Variants in CLCN6 observed in about 807,000 individuals in gnomAD.
The protein encoded by CLCN6 is H(+)/Cl(-) exchange transporter 6.
CLCN6 carries 70 observed loss-of-function variants against 109.8 expected under a neutral mutation model. The observed-to-expected ratio is 0.64, with a 90% CI of 0.53 to 0.78. The LOEUF is 0.78. CLCN6 is among the 30% of genes least tolerant of loss of function. CLCN6 has a pLI of 0.00. For synonymous variants in CLCN6, 444 were observed against 447.8 expected (o/e 0.99, Z 0.11); for missense variants, 984 against 1,142.3 (o/e 0.86, Z 2.00).
At chr1:11,822,173 G>A (rs968461032) in intron 5 of CLCN6, among the ~76,000 whole-genome samples, 2 of 151,754 alleles carry the variant, frequency 1.3e-5, no homozygotes, top group African/African-American at 2.4e-5. Flanking sequence ...GTTGAGATTT[G>A]TTAAAGCTAC....
At chr1:11,823,917 G>A in intron 7 of CLCN6, 84 bp downstream of exon 7, 1 of 1,557,566 alleles carries the variant, frequency 6.4e-7, no homozygotes. Context: ...TATTAGATTT[G>A]GACTGCAGGG....
At position 11,834,369 on chromosome 1, in the gene CLCN6, G is replaced by A. The variant is rs1644918914; in HGVS notation, c.1660G>A (p.Gly554Arg). Reference protein sequence around the residue: ...LIESTNEITYGLPIMVTLMVA... With the variant: ...LIESTNEITYRLPIMVTLMVA... The stretch of plus-strand genomic sequence containing the variant: ...CGAGTCCACCAATGAGATCACCTAC[G>A]GGCTCCCCATCATGGTCACACTGAT... Residue 554 changes from glycine (G) to arginine (R), a missense_variant, in exon 16 of 23, where the codon GGG becomes AGG. Physicochemically the swap from Gly to Arg is moderately radical, Grantham distance 125. Coordinates refer to ENST00000346436, the MANE Select transcript of CLCN6 (RefSeq NM_001286.5). This position sits in a 1 kb window ranked among gnomAD's most constrained non-coding sequence, Gnocchi z 4.5. The A allele has an allele frequency of 3.1e-6, 5 of 1,613,872 alleles. No homozygotes were observed. The highest frequency in any genetic ancestry group is 1.1e-5 in the South Asian group (1 of 91,058).
intron 2 of CLCN6, among the ~76,000 whole-genome samples, chr1:11,812,097 G>A (rs1167860699): frequency 6.6e-6 from 1 of 151,894 alleles, no homozygotes; most frequent in African/African-American, 2.4e-5. Context: ...CTGGGTGACA[G>A]AGAAAGACCC....
At chr1:11,836,186 G>A in intron 18 of CLCN6, 33 bp downstream of exon 18, 2 of 1,594,788 alleles carry the variant, frequency 1.3e-6, no homozygotes, top group South Asian at 1.1e-5. Context: ...AAAGGCAGGT[G>A]AGAGACAAGC....
intron 4 of CLCN6, among the ~76,000 whole-genome samples, chr1:11,818,805 G>C (rs1179434649): frequency 6.6e-6 from 1 of 152,172 alleles, no homozygotes; most frequent in Non-Finnish European, 1.5e-5. Context: ...GCACAGTGGG[G>C]TGTGCCTGTA....
At chr1:11,831,462 A>G (rs1226076015) in intron 13 of CLCN6, among the ~76,000 whole-genome samples, 1 of 152,078 alleles carries the variant, frequency 6.6e-6, no homozygotes, top group East Asian at 1.9e-4. Context: ...GCTGGTTTAT[A>G]TATTTTTAAA....
rs1458977485 is a variant in CLCN6, at chr1:11,842,483, C to G, written c.*2260C>G. ...AGCAACTTCTCCACTCATGACAAATCAACTGTGACCCTCGCTCCTTCCATT... is the reference window on the plus strand; with the variant it reads ...AGCAACTTCTCCACTCATGACAAATGAACTGTGACCCTCGCTCCTTCCATT... On this transcript the variant is annotated 3_prime_UTR_variant, in exon 23 of 23. Coordinates refer to ENST00000346436, the MANE Select transcript of CLCN6 (RefSeq NM_001286.5). The G allele has an allele frequency of 6.5e-6, 1 of 152,720 alleles. No individual in the cohort carries two copies. The highest frequency in any genetic ancestry group is 1.5e-5 in the Non-Finnish European group (1 of 68,074). The allele number at this position is 152,720 out of a possible 1,614,324, so 9.5% of individuals were successfully genotyped here.
intron 2 of CLCN6, among the ~76,000 whole-genome samples, chr1:11,810,185 G>A (rs1644580314): frequency 1.3e-5 from 2 of 152,236 alleles, no homozygotes; most frequent in Middle Eastern, 3.4e-3. Context: ...CCTTCTTCCT[G>A]TCTCAGGAAG....
Position 11,806,202 on chromosome 1 carries a change from G to A in CLCN6, c.-61G>A, listed in dbSNP as rs1026547062. 1.0e-5 allele frequency: 14 copies of A among 1,362,174 alleles called. No homozygotes were observed. The highest frequency in any genetic ancestry group is 1.2e-5 in the Non-Finnish European group (13 of 1,045,272). 84.4% of individuals were successfully genotyped at this position (1,362,174 alleles called of 1,614,324 possible). A position where few individuals can be genotyped will look rare whatever the true frequency, so the allele number is the denominator to read the frequency against. On this transcript the variant is annotated 5_prime_UTR_variant, in exon 1 of 23. Coordinates refer to ENST00000346436, the MANE Select transcript of CLCN6 (RefSeq NM_001286.5). The stretch of plus-strand genomic sequence containing the variant: ...ACCGTCCCGGGGCCAGTCACGTGAG[G>A]CGCAGATCCTGGCTGGGAGGGGGTT...
chr1:11,823,768 C>T lies in CLCN6; in HGVS notation c.515C>T (p.Pro172Leu), dbSNP rs141347788. Residue 172 changes from proline to leucine, a missense_variant, in exon 7 of 23, where the codon CCA becomes CTA. Physicochemically the swap from Pro to Leu is moderately conservative, Grantham distance 98. Transcript: ENST00000346436. ...VKCYLNGVKV[P>L]GIVRLRTLLC... ...TGCTATCTGAATGGCGTAAAGGTGC[C>T]AGGAATCGTCCGTCTCCGGACCCTG... 25 of 1,614,252 alleles carry T rather than the reference C, an allele frequency of 1.5e-5. No individual in the cohort carries two copies. In the African/African-American group the frequency reaches 3.2e-4, roughly 21 times the overall value.
chr1:11,807,288 C>T (rs1295294567), intron 2 of CLCN6, 98 bp downstream of exon 2: 3 of 1,098,504 alleles, frequency 2.7e-6, no homozygotes, highest in South Asian at 2.6e-5. Context: ...GCTCTTTGAC[C>T]TTCTGTCCCA....
chr1:11,832,311 C>A (rs1644892203), intron 13 of CLCN6, among the ~76,000 whole-genome samples: 1 of 152,258 alleles, frequency 6.6e-6, no homozygotes, highest in Non-Finnish European at 1.5e-5. Context: ...GATTTTGGAG[C>A]CTGTGCTCAG....
intron 13 of CLCN6, among the ~76,000 whole-genome samples, chr1:11,830,819 C>G (rs1293910772): frequency 7.8e-6 from 1 of 128,302 alleles, no homozygotes; most frequent in Non-Finnish European, 1.6e-5. Flanking sequence ...CACACAAACA[C>G]ACATTATATA....
intron 13 of CLCN6, among the ~76,000 whole-genome samples, chr1:11,830,802 ACAC>A (rs1251935523): frequency 5.8e-5 from 8 of 138,438 alleles, no homozygotes; most frequent in Non-Finnish European, 1.2e-4. Flanking sequence ...ACACACACAC[ACAC>A]ACACACACAA....
intron 12 of CLCN6, 49 bp from the exon 13 acceptor site, chr1:11,829,147 A>G (rs550071628): frequency 1.2e-6 from 2 of 1,600,400 alleles, no homozygotes; most frequent in African/African-American, 2.7e-5. Flanking sequence ...AATTTCTGAG[A>G]CCAGAGCTTC....
rs1490008568 is a variant in CLCN6 at position 11,840,499 on chromosome 1, C to T, written c.*276C>T. On this transcript the variant is annotated 3_prime_UTR_variant, in exon 23 of 23. Coordinates refer to ENST00000346436, the MANE Select transcript of CLCN6 (RefSeq NM_001286.5). ...AGTGTTGGCACAGGCCCACCCCTGG[C>T]TCCACCAGAGCCAGAAGCAGAGGTA... 1 of 527,194 alleles carries T rather than the reference C, an allele frequency of 1.9e-6. No homozygotes were observed. The highest frequency in any genetic ancestry group is 3.4e-6 in the Non-Finnish European group (1 of 290,236). 32.7% of individuals were successfully genotyped at this position (527,194 alleles called of 1,614,324 possible). A position where few individuals can be genotyped will look rare whatever the true frequency, so the allele number is the denominator to read the frequency against.
chr1:11,819,519 T>A lies in CLCN6; in HGVS notation c.311T>A (p.Leu104His). 1 of 1,614,238 alleles carries A rather than the reference T, an allele frequency of 6.2e-7. No individual in the cohort carries two copies. The highest frequency in any genetic ancestry group is 8.5e-7 in the Non-Finnish European group (1 of 1,180,042). The change falls in exon 5 of 23, where the codon CTC becomes CAC. Residue 104 changes from leucine (L) to histidine (H), a missense_variant. By Grantham distance (99) the Leu-to-His change is moderately conservative (BLOSUM62 -3). Transcript: ENST00000346436. The stretch of plus-strand genomic sequence containing the variant: ...CTCTTTGTGGACTTTTTTGTGCGAC[T>A]CTTCACCCAACTCAAGTTCGGAGTG... ...VGLFVDFFVR[L>H]FTQLKFGVVQ...
chr1:11,813,785 G>A (rs1045598446), intron 2 of CLCN6, among the ~76,000 whole-genome samples: 14 of 152,072 alleles, frequency 9.2e-5, no homozygotes, highest in African/African-American at 3.1e-4. Context: ...ACTACCTCAC[G>A]GATGTTTTCC....
chr1:11,812,066 A>T (rs1644605642), intron 2 of CLCN6, among the ~76,000 whole-genome samples: 1 of 151,992 alleles, frequency 6.6e-6, no homozygotes, highest in Admixed American at 6.6e-5. Flanking sequence ...GTGAACCGAG[A>T]TTATGCCACT....
Sources: gnomAD v4.1 joint callset for allele counts (sites outside exome capture counted in the v4.1 genomes callset) on GRCh38, gnomAD v4.1.1 for gene constraint, Gnocchi (gnomAD v3.1) non-coding constraint, MANE v1.5 for transcripts, NCBI Gene and HGNC (gene_info 2026-07-23, HGNC 2026-07-21) for gene names.